The following MYT1 variants were observed in gnomAD, a reference collection of about 807,000 sequenced individuals.
MYT1 encodes the protein myelin transcription factor 1.
MYT1 carries 23 observed loss-of-function variants against 123.0 expected under a neutral mutation model. That is an observed-to-expected ratio of 0.19 (90% confidence interval 0.13 to 0.26). The LOEUF is 0.26. Among genes scored for constraint, MYT1 ranks in the 10% least tolerant of loss-of-function variants. The pLI is 1.00. For missense variants in MYT1, 1,125 were observed against 1,472.5 expected (o/e 0.76, Z 3.86); for synonymous variants, 518 against 575.3 (o/e 0.90, Z 1.43).
At position 64,213,143 on chromosome 20, in the gene MYT1, A is replaced by T. The variant is rs1983733405; in HGVS notation, c.1518-391A>T. On this transcript the variant is annotated intron_variant, in intron 9 of 22. Transcript: ENST00000328439. The surrounding 1 kb of genome is among the most constrained non-coding windows in gnomAD (Gnocchi z 5.6). ...GCAGCTAACAGAACAAGCGCCAGAG[A>T]GGGCTGCAGAATCCAGCCCTGCAAG... 6.6e-6 allele frequency among the ~76,000 whole-genome samples: 1 copy of T among 152,116 alleles called. No homozygotes were observed. Among genetic ancestry groups the T allele is most frequent in the African/African-American group, 2.4e-5 (1 of 41,418 alleles).
rs1247923538 is a variant in MYT1, at chr20:64,191,059, G to T, written c.-1+899G>T. On this transcript the variant is annotated intron_variant, in intron 2 of 22. Coordinates refer to ENST00000328439, the MANE Select transcript of MYT1 (RefSeq NM_004535.3). The surrounding 1 kb of genome is among the most constrained non-coding windows in gnomAD (Gnocchi z 4.1). ...CTTCCTTGCTTTGAGGTGTGACCAC[G>T]TCTGGGCTCTGTGATAGGCCTGAGC... Among the ~76,000 whole-genome samples the T allele has an allele frequency of 6.6e-6, 1 of 152,182 alleles. No individual in the cohort carries two copies. The highest frequency in any genetic ancestry group is 1.5e-5 in the Non-Finnish European group (1 of 68,028).
intron 1 of MYT1, among the ~76,000 whole-genome samples, chr20:64,178,999 G>A (rs1274514142): frequency 6.9e-6 from 1 of 145,332 alleles, no homozygotes; most frequent in African/African-American, 2.6e-5. Flanking sequence ...TTCAACGTGG[G>A]AGCACTGAGC....
chr20:64,177,194 T>C (rs1279909951), intron 1 of MYT1, among the ~76,000 whole-genome samples: 2 of 152,128 alleles, frequency 1.3e-5, no homozygotes, highest in East Asian at 1.9e-4. Flanking sequence ...TTTTATTGAA[T>C]AGAGAAAGTA....
rs1436391939 is a variant in MYT1 at position 64,231,792 on chromosome 20, A to G, written c.2676-372A>G. Among the ~76,000 whole-genome samples the G allele has an allele frequency of 6.6e-6, 1 of 152,166 alleles. No homozygotes were observed. The highest frequency in any genetic ancestry group is 6.5e-5 in the Admixed American group (1 of 15,282). On this transcript the variant is annotated intron_variant, in intron 18 of 22. Transcript: ENST00000328439. The surrounding 1 kb of genome is among the most constrained non-coding windows in gnomAD (Gnocchi z 6.4). ...TGGCCTCTAGGTGGTCTCAGCTGAC[A>G]ACATGGCTCCACATTGCTGAGTGAC...
In MYT1 at chr20:64,186,917, T is replaced by C. The variant is rs568769999; in HGVS notation, c.-98-3146T>C. 3.3e-3 allele frequency among the ~76,000 whole-genome samples: 361 copies of C among 109,454 alleles called. 1 individual carries two copies. The highest frequency in any genetic ancestry group is 9.5e-3 in the African/African-American group (273 of 28,756). 71.8% of individuals were successfully genotyped at this position (109,454 alleles called of 152,430 possible). ...CTGTAGCCCGTGGCCCCGGCATCCA[T>C]GTTTCCGTGGAGAGTTTTCCTGTAG... On this transcript the variant is annotated intron_variant, in intron 1 of 22. Coordinates refer to ENST00000328439, the MANE Select transcript of MYT1 (RefSeq NM_004535.3). This position sits in a 1 kb window ranked among gnomAD's most constrained non-coding sequence, Gnocchi z 4.3.
Position 64,227,960 on chromosome 20 carries a change from C to T in MYT1, c.2664C>T (p.Pro888=), listed in dbSNP as rs61746507. ...VAPTKDDKED[P]ELMKCPVPGC... ...CCACCAAGGACGACAAGGAGGACCC[C>T]GAGCTGATGAAGTACGTTGGGCCAT... Residue 888 remains proline (P), a synonymous_variant, in exon 18 of 23, where the codon CCC becomes CCT. Transcript: ENST00000328439. 3,433 of 1,614,006 alleles carry T rather than the reference C, an allele frequency of 2.1e-3. 10 individuals carry two copies. The highest frequency in any genetic ancestry group is 3.0e-3 in the South Asian group (269 of 91,064).
intron 1 of MYT1, among the ~76,000 whole-genome samples, chr20:64,172,711 A>G (rs1453622833): frequency 6.8e-6 from 1 of 147,878 alleles, no homozygotes; most frequent in East Asian, 2.0e-4. Flanking sequence ...ACGCCCCCAA[A>G]CCCAGTGCTG....
Position 64,240,353 on chromosome 20 carries a change from G to A in MYT1, c.3271G>A (p.Val1091Met). 1.2e-6 allele frequency: 2 copies of A among 1,614,082 alleles called. No homozygotes were observed. Among genetic ancestry groups the A allele is most frequent in the Non-Finnish European group, 8.5e-7 (1 of 1,180,018 alleles). The stretch of plus-strand genomic sequence containing the variant: ...ATGCGAACAGAATTTCGATGCCTAT[G>A]TGAGCACCCTCACCGACATGTACTC... ...PICEQNFDAY[V>M]STLTDMYSNQ... Residue 1091 changes from valine (V) to methionine (M), a missense_variant, in exon 23 of 23, where the codon GTG becomes ATG. This residue lies in a region of MYT1 where 243 missense variants were observed against 323.1 expected (regional missense o/e 0.75). Transcript: ENST00000328439.
In MYT1 at chr20:64,204,802, C is replaced by T. The variant is rs547659370; in HGVS notation, c.87-233C>T. Among the ~76,000 whole-genome samples the T allele has an allele frequency of 1.8e-4, 27 of 152,308 alleles. No individual in the cohort carries two copies. The South Asian group carries it at 2.9e-3, about 16-fold the overall frequency. On this transcript the variant is annotated intron_variant, in intron 4 of 22. Transcript: ENST00000328439. ...TGGGGAGCGGTCTGGGAGACTCTGG[C>T]GCTAGAAGTCTTGCTCTTATGTATA...
At chr20:64,219,397 A>G (rs901284316) in intron 12 of MYT1, among the ~76,000 whole-genome samples, 3 of 152,166 alleles carry the variant, frequency 2.0e-5, no homozygotes, top group Non-Finnish European at 1.5e-5. Context: ...CCCTGTTCAC[A>G]CGTGTTTCCC....
intron 7 of MYT1, among the ~76,000 whole-genome samples, chr20:64,209,498 C>A (rs750799): frequency 6.6e-6 from 1 of 152,104 alleles, no homozygotes; most frequent in African/African-American, 2.4e-5. Flanking sequence ...AGTCCTGCAT[C>A]TCTTCTCCAG....
intron 1 of MYT1, among the ~76,000 whole-genome samples, chr20:64,170,343 G>A (rs1456664182): frequency 3.9e-5 from 6 of 152,064 alleles, no homozygotes; most frequent in African/African-American, 1.2e-4. Context: ...CTTGCTTTCC[G>A]GGAGAGCCTG....
chr20:64,207,524 G>A (rs1294020614), intron 6 of MYT1, 70 bp from the exon 7 acceptor site: 1 of 1,559,044 alleles, frequency 6.4e-7, no homozygotes, highest in Non-Finnish European at 8.7e-7. Flanking sequence ...TGGTGGGTGT[G>A]TTGGGGACTG....
intron 19 of MYT1, among the ~76,000 whole-genome samples, chr20:64,234,843 G>A (rs1409217801): frequency 6.7e-6 from 1 of 148,268 alleles, no homozygotes; most frequent in African/African-American, 2.5e-5. Context: ...GCTGTGGTGG[G>A]TGACCCTGGG....
In MYT1 at chr20:64,203,170, A is replaced by C. The variant is rs185134633; in HGVS notation, c.87-1865A>C. 7.7e-4 allele frequency among the ~76,000 whole-genome samples: 117 copies of C among 152,296 alleles called. 1 individual carries two copies. In the East Asian group the frequency reaches 0.021, roughly 27 times the overall value. On this transcript the variant is annotated intron_variant, in intron 4 of 22. Coordinates refer to ENST00000328439, the MANE Select transcript of MYT1 (RefSeq NM_004535.3). The surrounding 1 kb of genome is among the most constrained non-coding windows in gnomAD (Gnocchi z 5.1). ...CTCTGAGGCTGGGGCCGGAAGGTGC[A>C]GGCCCACCTTCCTGGGGACCAGGAC...
At position 64,192,245 on chromosome 20, in the gene MYT1, T is replaced by C. The variant is rs537965286; in HGVS notation, c.-1+2085T>C. On this transcript the variant is annotated intron_variant, in intron 2 of 22. Transcript: ENST00000328439. This position sits in a 1 kb window ranked among gnomAD's most constrained non-coding sequence, Gnocchi z 5.3. Reference sequence around the variant, plus strand: ...GTCATTTCCCTTCTTTTCTTGCAGATAGGGCCGAGTGACTGCTCTGAATAG... The same window carrying C: ...GTCATTTCCCTTCTTTTCTTGCAGACAGGGCCGAGTGACTGCTCTGAATAG... Among the ~76,000 whole-genome samples, 144 of 152,298 alleles carry C rather than the reference T, an allele frequency of 9.5e-4. 1 individual carries two copies. The highest frequency in any genetic ancestry group is 3.3e-3 in the African/African-American group (137 of 41,538).
At chr20:64,170,333 C>G (rs923795901) in intron 1 of MYT1, among the ~76,000 whole-genome samples, 3 of 152,150 alleles carry the variant, frequency 2.0e-5, no homozygotes, top group East Asian at 3.9e-4. Context: ...GGTATCCCTG[C>G]TTGCTTTCCG....
At chr20:64,229,850 G>A (rs866652787) in intron 18 of MYT1, among the ~76,000 whole-genome samples, 1 of 152,150 alleles carries the variant, frequency 6.6e-6, no homozygotes, top group Non-Finnish European at 1.5e-5. Flanking sequence ...AAAGTCTTGC[G>A]GAGGTTCCAG....
intron 4 of MYT1, 73 bp downstream of exon 4, chr20:64,199,995 A>G: frequency 6.4e-7 from 1 of 1,569,986 alleles, no homozygotes; most frequent in South Asian, 1.1e-5. Context: ...TAAATGTCCC[A>G]AACGGGGTCT....
Sources: allele counts gnomAD v4.1 joint callset (sites outside exome capture counted in the v4.1 genomes callset), GRCh38; gene constraint gnomAD v4.1.1; regional missense constraint gnomAD v4.1.1; non-coding constraint Gnocchi (gnomAD v3.1); transcripts MANE v1.5; gene names NCBI Gene and HGNC (gene_info 2026-07-23, HGNC 2026-07-21).